CEP295: variants seen among roughly 807,000 people sequenced by gnomAD.
The protein encoded by CEP295 is centrosomal protein of 295 kDa.
CEP295 carries 190 observed loss-of-function variants against 291.6 expected under a neutral mutation model. The ratio of observed to expected loss-of-function variants is 0.65; its 90% CI spans 0.58 to 0.73. CEP295 has a LOEUF of 0.73. CEP295 is among the 30% of genes least tolerant of loss of function. The pLI is 0.00. For missense variants in CEP295, 2,863 were observed against 2,949.4 expected (o/e 0.97, Z 0.68); for synonymous variants, 993 against 1,038.8 (o/e 0.96, Z 0.85).
At position 93,699,807 on chromosome 11, in the gene CEP295, T is replaced by C; in HGVS notation, c.4895T>C (p.Leu1632Ser). The change falls in exon 15 of 30, where the codon TTG (leucine) becomes TCG (serine). Residue 1632 changes from leucine (L) to serine (S), a missense_variant. Physicochemically the swap from Leu to Ser is moderately radical, Grantham distance 145 (BLOSUM62 -2). This residue lies in a region of CEP295 where 2,295 missense variants were observed against 2,335.7 expected (regional missense o/e 0.98). Coordinates refer to ENST00000325212, the MANE Select transcript of CEP295 (RefSeq NM_033395.2). The stretch of plus-strand genomic sequence containing the variant: ...CTGTCTTTAAACAAACAAAGAAAGT[T>C]GAACAAAAGTGAATCTGCTGAGCAT... ...EELSLNKQRK[L>S]NKSESAEHTI... The C allele has an allele frequency of 1.9e-6, 3 of 1,552,254 alleles. No homozygotes were observed. Among genetic ancestry groups the C allele is most frequent in the Non-Finnish European group, 2.6e-6 (3 of 1,147,112 alleles).
chr11:93,666,932 C>T (rs1950228530), intron 2 of CEP295, 117 bp downstream of exon 2: 1 of 581,396 alleles, frequency 1.7e-6, no homozygotes, highest in Non-Finnish European at 3.0e-6. Flanking sequence ...TATACGAGAG[C>T]CCTGGTTATT....
intron 6 of CEP295, among the ~76,000 whole-genome samples, chr11:93,676,815 A>T (rs555396231): frequency 2.0e-3 from 309 of 152,122 alleles, no homozygotes; most frequent in Non-Finnish European, 3.7e-3. Flanking sequence ...AATATCCATA[A>T]GCTTTCTTTT....
chr11:93,700,443 T>G (rs1183712618), intron 15 of CEP295, among the ~76,000 whole-genome samples: 3 of 150,002 alleles, frequency 2.0e-5, no homozygotes, highest in African/African-American at 7.3e-5. Flanking sequence ...TTTTTTTTTT[T>G]GAGACAAGGT....
intron 18 of CEP295, among the ~76,000 whole-genome samples, chr11:93,707,199 T>C (rs1181396589): frequency 2.6e-5 from 4 of 152,214 alleles, no homozygotes. Context: ...AATTAAATAC[T>C]GTTAAATATT....
At position 93,699,956 on chromosome 11, in the gene CEP295, C is replaced by T. The variant is rs61740986; in HGVS notation, c.5044C>T (p.Pro1682Ser). 1.3e-6 allele frequency: 2 copies of T among 1,551,602 alleles called. No homozygotes were observed. Among genetic ancestry groups the T allele is most frequent in the Admixed American group, 2.0e-5 (1 of 50,986 alleles). ...YSSQNEHAAPPSNPVIPGFQD... is the reference protein window; with the variant it reads ...YSSQNEHAAPSSNPVIPGFQD... The stretch of plus-strand genomic sequence containing the variant: ...ATCCCAGAATGAACATGCAGCCCCC[C>T]CAAGTAATCCTGTGATCCCAGGGTT... The change falls in exon 15 of 30, where the codon CCA becomes TCA. Residue 1682 changes from proline to serine, a missense_variant. Pro to Ser is a moderately conservative substitution (Grantham distance 74). This residue lies in a region of CEP295 where 2,295 missense variants were observed against 2,335.7 expected (regional missense o/e 0.98). Coordinates refer to ENST00000325212, the MANE Select transcript of CEP295 (RefSeq NM_033395.2).
chr11:93,684,700 A>C (rs887437971), intron 9 of CEP295, among the ~76,000 whole-genome samples: 7 of 152,200 alleles, frequency 4.6e-5, no homozygotes, highest in African/African-American at 1.4e-4. Context: ...AAGCGGTTGC[A>C]GTTCTTCTGT....
chr11:93,721,977 A>G lies in CEP295; in HGVS notation c.5874A>G (p.Pro1958=), dbSNP rs1350478138. Residue 1958 remains proline (P), a synonymous_variant, in exon 20 of 30, where the codon CCA becomes CCG. Coordinates refer to ENST00000325212, the MANE Select transcript of CEP295 (RefSeq NM_033395.2). The stretch of plus-strand genomic sequence containing the variant: ...AGGCTAAAACACTGTCTTATGAACC[A>G]TTATCTTCAGCAACTGTTTCCACTG... ...DDKAKTLSYE[P]LSSATVSTGS... is the part of the protein sequence containing the mutation. 2 of 1,602,602 alleles carry G rather than the reference A, an allele frequency of 1.2e-6. No individual in the cohort carries two copies. Among genetic ancestry groups the G allele is most frequent in the Admixed American group, 3.4e-5 (2 of 58,262 alleles).
chr11:93,690,272 A>G (rs1951456371), intron 10 of CEP295, among the ~76,000 whole-genome samples: 1 of 151,860 alleles, frequency 6.6e-6, no homozygotes, highest in African/African-American at 2.4e-5. Flanking sequence ...TTAGCCGTGC[A>G]TGGGCTGGGT....
chr11:93,693,526 C>T (rs955939427), intron 12 of CEP295, among the ~76,000 whole-genome samples: 2 of 152,036 alleles, frequency 1.3e-5, no homozygotes, highest in African/African-American at 2.4e-5. Context: ...GAGGCTTAGG[C>T]GGGCGGATCA....
At chr11:93,690,908 GTC>G (rs916622367) in intron 10 of CEP295, among the ~76,000 whole-genome samples, 3 of 152,000 alleles carry the variant, frequency 2.0e-5, no homozygotes, top group Non-Finnish European at 4.4e-5. Flanking sequence ...CCATTGGTCT[GTC>G]TGGAAAGGTC....
chr11:93,704,577 T>C (rs1398823671), intron 17 of CEP295, among the ~76,000 whole-genome samples: 1 of 152,062 alleles, frequency 6.6e-6, no homozygotes, highest in Non-Finnish European at 1.5e-5. Context: ...CCTAGGTAGG[T>C]GAACTAAAAT....
At position 93,717,569 on chromosome 11, in the gene CEP295, G is replaced by A. The variant is rs1378390569; in HGVS notation, c.5750-3743G>A. ...GTAATTCTGTTTCAGTACCTGAAAA[G>A]TTCTTATCTAGGAGGTGGTAAGAAT... is the stretch of plus-strand genomic sequence containing the variant. On this transcript the variant is annotated intron_variant, in intron 18 of 29. Coordinates refer to ENST00000325212, the MANE Select transcript of CEP295 (RefSeq NM_033395.2). 2.0e-5 allele frequency among the ~76,000 whole-genome samples: 3 copies of A among 152,192 alleles called. No homozygotes were observed. In the East Asian group the frequency reaches 5.8e-4, roughly 29 times the overall value.
chr11:93,672,691 C>T (rs1950509205), intron 5 of CEP295, among the ~76,000 whole-genome samples: 1 of 152,112 alleles, frequency 6.6e-6, no homozygotes, highest in African/African-American at 2.4e-5. Context: ...GAAATAGTTA[C>T]TGTGGAGCAA....
intron 10 of CEP295, among the ~76,000 whole-genome samples, chr11:93,690,228 G>A (rs1371232874): frequency 1.3e-5 from 2 of 152,138 alleles, no homozygotes; most frequent in Non-Finnish European, 2.9e-5. Context: ...TGGCTAACAC[G>A]GTGAAACCCC....
chr11:93,702,872 C>T lies in CEP295; in HGVS notation c.5549C>T (p.Ala1850Val). 6.4e-7 allele frequency: 1 copy of T among 1,551,476 alleles called. No homozygotes were observed. Among genetic ancestry groups the T allele is most frequent in the Non-Finnish European group, 8.7e-7 (1 of 1,146,806 alleles). The stretch of plus-strand genomic sequence containing the variant: ...GACTTAAACCAGCATGAACTTAGTG[C>T]TATACAAGAAGTAGAGTCACCAGCA... The part of the protein sequence containing the change: ...GLDLNQHELS[A>V]IQEVESPAIG... Residue 1850 changes from alanine to valine, a missense_variant, in exon 17 of 30, where the codon GCT becomes GTT. Around this residue, in one of 3 missense-constraint regions of CEP295, gnomAD observed 2,295 missense variants for 2,335.7 expected, o/e 0.98. Transcript: ENST00000325212.
Position 93,698,360 on chromosome 11 carries a change from C to T in CEP295, c.3448C>T (p.Leu1150Phe), listed in dbSNP as rs1353539090. 2 of 1,552,152 alleles carry T rather than the reference C, an allele frequency of 1.3e-6. No individual in the cohort carries two copies. Among genetic ancestry groups the T allele is most frequent in the Non-Finnish European group, 1.7e-6 (2 of 1,147,092 alleles). The change falls in exon 15 of 30, where the codon CTT becomes TTT. Residue 1150 changes from leucine (L) to phenylalanine (F), a missense_variant. Around this residue, in one of 3 missense-constraint regions of CEP295, gnomAD observed 2,295 missense variants for 2,335.7 expected, o/e 0.98. Coordinates refer to ENST00000325212, the MANE Select transcript of CEP295 (RefSeq NM_033395.2). ...AATCCCAACATTTCAGGATAAGTCTCTTAGTTTTCCACAGCATAGCCTGGC... is the reference window on the plus strand; with the variant it reads ...AATCCCAACATTTCAGGATAAGTCTTTTAGTTTTCCACAGCATAGCCTGGC... The part of the protein sequence containing the change: ...LIIPTFQDKS[L>F]SFPQHSLAQQ...
intron 9 of CEP295, among the ~76,000 whole-genome samples, chr11:93,684,649 G>C (rs530475599): frequency 6.6e-6 from 1 of 152,244 alleles, no homozygotes; most frequent in East Asian, 1.9e-4. Flanking sequence ...TTAGGAAAAG[G>C]GTACTAAGTG....
intron 7 of CEP295, among the ~76,000 whole-genome samples, chr11:93,679,773 TA>T (rs1950873575): frequency 6.6e-6 from 1 of 152,202 alleles, no homozygotes; most frequent in Non-Finnish European, 1.5e-5. Context: ...AAAATTTTAC[TA>T]ATGAATTTAT....
At chr11:93,726,734 A>C in intron 23 of CEP295, 1 of 345,692 alleles carries the variant, frequency 2.9e-6, no homozygotes, top group Non-Finnish European at 5.2e-6. Flanking sequence ...AAACATCCTC[A>C]GTTTATAGCC....
Sources: allele counts gnomAD v4.1 joint callset (sites outside exome capture counted in the v4.1 genomes callset), GRCh38; gene constraint gnomAD v4.1.1; regional missense constraint gnomAD v4.1.1; transcripts MANE v1.5; gene names NCBI Gene and HGNC (gene_info 2026-07-23, HGNC 2026-07-21).